SLC8A1: variants seen among roughly 807,000 people sequenced by gnomAD.
SLC8A1 encodes the protein sodium/calcium exchanger 1.
SLC8A1 carries 18 observed loss-of-function variants against 68.3 expected under a neutral mutation model. That is an observed-to-expected ratio of 0.26 (90% CI 0.18 to 0.39). The LOEUF is 0.39. Among genes scored for constraint, SLC8A1 ranks in the 10% least tolerant of loss-of-function variants. SLC8A1 has a pLI of 1.00. For missense variants in SLC8A1, 985 were observed against 1,156.7 expected (o/e 0.85, Z 2.15); for synonymous variants, 475 against 415.5 (o/e 1.14, Z -1.74).
chr2:40,319,199 A>C (rs2074879061), intron 2 of SLC8A1, among the ~76,000 whole-genome samples: 1 of 152,128 alleles, frequency 6.6e-6, no homozygotes, highest in Admixed American at 6.6e-5. Context: ...GCGTGTGATC[A>C]CAATGAGAAT....
intron 1 of SLC8A1, among the ~76,000 whole-genome samples, chr2:40,434,713 G>C (rs945378284): frequency 1.3e-5 from 2 of 152,096 alleles, no homozygotes; most frequent in African/African-American, 4.8e-5. Flanking sequence ...TGAGACTTTA[G>C]CACAGTATCA....
At chr2:40,471,654 A>C (rs571654679) in intron 1 of SLC8A1, among the ~76,000 whole-genome samples, 3 of 152,190 alleles carry the variant, frequency 2.0e-5, no homozygotes, top group Non-Finnish European at 4.4e-5. Flanking sequence ...TACTGACCTC[A>C]GGCATCTGTC....
rs71406059 is a variant in SLC8A1 at position 40,357,497 on chromosome 2, T to TAAAAA, written c.1808+70971_1808+70975dup. Among the ~76,000 whole-genome samples, 226 of 115,420 alleles carry TAAAAA rather than the reference T, an allele frequency of 2.0e-3. 3 individuals carry two copies. Among genetic ancestry groups the TAAAAA allele is most frequent in the Middle Eastern group, 5.2e-3 (1 of 192 alleles). 75.7% of individuals were successfully genotyped at this position (115,420 alleles called of 152,430 possible). ...GGGCAACAGAGCCAGACCCTGTCTT[T>TAAAAA]AAAAAAAAAAAAAAAAAAAACACAA... is the stretch of plus-strand genomic sequence containing the variant. On this transcript the variant is annotated intron_variant, in intron 2 of 7. Transcript: ENST00000406785.
intron 2 of SLC8A1, among the ~76,000 whole-genome samples, chr2:40,270,171 C>G (rs748471264): frequency 2.6e-5 from 4 of 152,130 alleles, no homozygotes; most frequent in Non-Finnish European, 5.9e-5. Context: ...ATTCAAAAGT[C>G]CAGTTTTTTA....
chr2:40,454,472 T>C (rs1702874264), upstream of SLC8A1, among the ~76,000 whole-genome samples: 1 of 150,592 alleles, frequency 6.6e-6, no homozygotes, highest in African/African-American at 2.5e-5. Flanking sequence ...CCAAAGTCTG[T>C]CTTAAGACTT....
At chr2:40,291,904 T>C (rs2069401053) in intron 2 of SLC8A1, among the ~76,000 whole-genome samples, 1 of 110,400 alleles carries the variant, frequency 9.1e-6, no homozygotes, top group Non-Finnish European at 1.7e-5. Flanking sequence ...ACATCTTTAC[T>C]TTTTTTTTTT....
intron 2 of SLC8A1, among the ~76,000 whole-genome samples, chr2:40,407,495 C>T (rs769668176): frequency 6.6e-6 from 1 of 152,144 alleles, no homozygotes; most frequent in Non-Finnish European, 1.5e-5. Flanking sequence ...GTCTTCCTGC[C>T]TTTTGCCTGT....
intron 6 of SLC8A1, among the ~76,000 whole-genome samples, chr2:40,145,888 C>T (rs2042374208): frequency 6.6e-6 from 1 of 152,210 alleles, no homozygotes; most frequent in African/African-American, 2.4e-5. Flanking sequence ...CTAGTGACAC[C>T]TTATCTCTTC....
At position 40,303,428 on chromosome 2, in the gene SLC8A1, C is replaced by T. The variant is rs185493555; in HGVS notation, c.1808+125045G>A. 1.6e-4 allele frequency among the ~76,000 whole-genome samples: 25 copies of T among 152,236 alleles called. No individual in the cohort carries two copies. In the East Asian group the frequency reaches 4.5e-3, roughly 27 times the overall value. ...TTTTAGGCACCCATTGATAGCTTTG[C>T]TACAAAATGCACTACCCGGGCACAA... On this transcript the variant is annotated intron_variant, in intron 2 of 7. Transcript: ENST00000406785.
rs559167385 is a variant in SLC8A1, at chr2:40,468,772, G to A, written c.-24-38468C>T. On this transcript the variant is annotated intron_variant, in intron 1 of 7. Transcript: ENST00000402441. ...GGTCTCTTCTTCACCCTTCACCTTC[G>A]ATGACTTTAAAGCCTTTCCTGGGCT... is the stretch of plus-strand genomic sequence containing the variant. Among the ~76,000 whole-genome samples the A allele has an allele frequency of 1.3e-3, 196 of 152,034 alleles. 1 individual carries two copies. Among genetic ancestry groups the A allele is most frequent in the Non-Finnish European group, 1.3e-3 (88 of 67,970 alleles).
intron 1 of SLC8A1, among the ~76,000 whole-genome samples, chr2:40,485,485 G>T (rs895984649): frequency 6.6e-6 from 1 of 152,066 alleles, no homozygotes; most frequent in Admixed American, 6.5e-5. Context: ...TCTCTTGCTT[G>T]CTCAACTGCC....
intron 2 of SLC8A1, among the ~76,000 whole-genome samples, chr2:40,394,349 T>C (rs537096881): frequency 6.6e-6 from 1 of 152,144 alleles, no homozygotes; most frequent in Admixed American, 6.6e-5. Context: ...TAGTAAGATA[T>C]TTGCTTTTTC....
chr2:40,122,201 CGCGCGCACACACACACACACACACGTGT>C (rs1312280208), intron 7 of SLC8A1, among the ~76,000 whole-genome samples: 23 of 146,010 alleles, frequency 1.6e-4, no homozygotes, highest in African/African-American at 3.1e-4. Flanking sequence ...AGTGCATGCG[CGCGCGCACACACACACACACACACGTGT>C]GCGCGCGCAC....
chr2:40,180,626 T>TTG (rs1196384743), intron 2 of SLC8A1, among the ~76,000 whole-genome samples: 1 of 152,206 alleles, frequency 6.6e-6, no homozygotes, highest in Non-Finnish European at 1.5e-5. Flanking sequence ...AGATGCTTCA[T>TTG]TGTAGGGTAC....
At chr2:40,269,032 G>A (rs1417610944) in intron 2 of SLC8A1, among the ~76,000 whole-genome samples, 3 of 152,166 alleles carry the variant, frequency 2.0e-5, no homozygotes, top group Admixed American at 1.3e-4. Context: ...AGGCACTCAT[G>A]CTCCTATGAA....
intron 2 of SLC8A1, among the ~76,000 whole-genome samples, chr2:40,335,894 G>A (rs1305542696): frequency 6.6e-6 from 1 of 152,202 alleles, no homozygotes; most frequent in Admixed American, 6.5e-5. Flanking sequence ...AGAGATAAGT[G>A]AATTAAGTTT....
Position 40,439,852 on chromosome 2 carries a change from C to CAGAA in SLC8A1, c.-24-9549_-24-9548insTTCT, listed in dbSNP as rs1700145235. ...TTTTAAAAAGTCAAGGTGATGGGTG[C>CAGAA]TCACATAAGGGTGACTCTCCATCAG... On this transcript the variant is annotated intron_variant, in intron 1 of 7. Coordinates refer to ENST00000406785, the Ensembl canonical transcript of SLC8A1. Among the ~76,000 whole-genome samples, 4 of 152,208 alleles carry CAGAA rather than the reference C, an allele frequency of 2.6e-5. No individual in the cohort carries two copies. In the East Asian group the frequency reaches 7.7e-4, roughly 29 times the overall value.
chr2:40,361,623 G>T (rs980048339), intron 2 of SLC8A1, among the ~76,000 whole-genome samples: 1 of 151,984 alleles, frequency 6.6e-6, no homozygotes, highest in South Asian at 2.1e-4. Context: ...CTAATCTGTA[G>T]GGTACCTCAC....
At chr2:40,221,501 T>C (rs1223469349) in intron 2 of SLC8A1, among the ~76,000 whole-genome samples, 3 of 152,178 alleles carry the variant, frequency 2.0e-5, no homozygotes, top group Non-Finnish European at 4.4e-5. Flanking sequence ...TCACCACTCC[T>C]ATTCAACATA....
Sources: gnomAD v4.1 joint callset for allele counts (sites outside exome capture counted in the v4.1 genomes callset) on GRCh38, gnomAD v4.1.1 for gene constraint, MANE v1.5 for transcripts, NCBI Gene and HGNC (gene_info 2026-07-23, HGNC 2026-07-21) for gene names.